CFAP61: variants seen among roughly 807,000 people sequenced by gnomAD.
The protein encoded by CFAP61 is cilia- and flagella-associated protein 61.
In CFAP61, 107 loss-of-function variants were observed where a neutral mutation model predicts 135.6. The observed-to-expected ratio is 0.79, with a 90% CI of 0.67 to 0.93. The LOEUF (loss-of-function observed/expected upper bound fraction) is 0.93. CFAP61 is among the 40% of genes least tolerant of loss of function. The pLI is 0.00. For missense variants in CFAP61, 1,507 were observed against 1,556.2 expected (o/e 0.97, Z 0.53); for synonymous variants, 575 against 578.5 (o/e 0.99, Z 0.09).
chr20:20,301,959 A>G (rs906772401), intron 25 of CFAP61, among the ~76,000 whole-genome samples: 4 of 152,234 alleles, frequency 2.6e-5, no homozygotes, highest in African/African-American at 7.2e-5. Flanking sequence ...TAGGAAATGC[A>G]TTAAATCTTA....
chr20:20,093,758 G>A (rs2047373113), intron 7 of CFAP61, among the ~76,000 whole-genome samples: 1 of 152,042 alleles, frequency 6.6e-6, no homozygotes, highest in South Asian at 2.1e-4. Context: ...TTGTTTTTAT[G>A]GTAGGTGAAT....
chr20:20,229,208 G>T (rs1025409785), intron 18 of CFAP61, among the ~76,000 whole-genome samples: 2 of 152,138 alleles, frequency 1.3e-5, no homozygotes, highest in African/African-American at 4.8e-5. Context: ...GCTCACTTGA[G>T]CACCTCTTTA....
At chr20:20,053,157 A>G (rs536973200) in intron 1 of CFAP61, among the ~76,000 whole-genome samples, 2 of 152,360 alleles carry the variant, frequency 1.3e-5, no homozygotes, top group South Asian at 2.1e-4. Flanking sequence ...CTAGGATTAA[A>G]GACAAATGCT....
intron 17 of CFAP61, among the ~76,000 whole-genome samples, chr20:20,225,000 T>G (rs1601495518): frequency 1.3e-5 from 2 of 152,322 alleles, no homozygotes; most frequent in South Asian, 4.1e-4. Flanking sequence ...TTGGCAGATG[T>G]TCAGAGGGAG....
At chr20:20,180,316 G>A (rs1163208490) in intron 13 of CFAP61, among the ~76,000 whole-genome samples, 4 of 151,022 alleles carry the variant, frequency 2.6e-5, no homozygotes. Context: ...GCAACAGAGT[G>A]AGACTCTGTC....
chr20:20,265,519 T>C, intron 21 of CFAP61: 1 of 779,416 alleles, frequency 1.3e-6, no homozygotes, highest in South Asian at 1.3e-5. Context: ...GATTTAAGAC[T>C]GACTCCCAGC....
At chr20:20,183,763 T>A (rs999183400) in intron 13 of CFAP61, among the ~76,000 whole-genome samples, 2 of 152,164 alleles carry the variant, frequency 1.3e-5, no homozygotes, top group Non-Finnish European at 2.9e-5. Context: ...CACAATTCAG[T>A]GGATATTTTA....
intron 18 of CFAP61, among the ~76,000 whole-genome samples, chr20:20,238,465 AT>A (rs1230041092): frequency 1.3e-5 from 2 of 152,136 alleles, no homozygotes; most frequent in African/African-American, 4.8e-5. Flanking sequence ...TGGGATAATA[AT>A]TTTTTCTCTA....
intron 20 of CFAP61, among the ~76,000 whole-genome samples, chr20:20,254,601 T>C (rs1336156237): frequency 6.6e-6 from 1 of 152,154 alleles, no homozygotes; most frequent in Non-Finnish European, 1.5e-5. Context: ...TCAAAGTACA[T>C]AGAGTGGTAC....
At chr20:20,153,883 C>T (rs1376029721) in intron 9 of CFAP61, among the ~76,000 whole-genome samples, 2 of 151,772 alleles carry the variant, frequency 1.3e-5, no homozygotes, top group Non-Finnish European at 1.5e-5. Context: ...ACACTAAAAC[C>T]AAAACCGGGA....
At chr20:20,179,793 A>G (rs2146847008) in intron 13 of CFAP61, among the ~76,000 whole-genome samples, 1 of 152,372 alleles carries the variant, frequency 6.6e-6, no homozygotes, top group South Asian at 2.1e-4. Flanking sequence ...TCCCTATTCA[A>G]TAAATCGTGC....
At chr20:20,067,599 G>A (rs946026370) in intron 2 of CFAP61, among the ~76,000 whole-genome samples, 6 of 147,618 alleles carry the variant, frequency 4.1e-5, no homozygotes, top group Admixed American at 6.8e-5. Flanking sequence ...CTGAGATCGC[G>A]CCACTGCACT....
rs140639813 is a variant in CFAP61 at position 20,307,102 on chromosome 20, CCT to C, written c.3422+8719_3422+8720del. On this transcript the variant is annotated intron_variant, in intron 25 of 26. Transcript: ENST00000245957. ...TCTTCTTAGCTGCCACCCCGACCAC[CCT>C]CTTTGTCCTGTGCCCCTGTGCACAC... Among the ~76,000 whole-genome samples, 351 of 152,306 alleles carry C rather than the reference CCT, an allele frequency of 2.3e-3. 1 individual carries two copies. Among genetic ancestry groups the C allele is most frequent in the African/African-American group, 8.0e-3 (334 of 41,564 alleles).
rs1555993867 is a variant in CFAP61 at position 20,359,693 on chromosome 20, A to AACC, written c.3514-515_3514-514insCAC. ...AAGCAAAAAACAAAACAACAACAAC[A>AACC]ACAAAACAAGTATGATCTACAGATG... On this transcript the variant is annotated intron_variant, in intron 26 of 26. Transcript: ENST00000245957. This position sits in a 1 kb window ranked among gnomAD's most constrained non-coding sequence, Gnocchi z 4.0. Among the ~76,000 whole-genome samples the AACC allele has an allele frequency of 4.8e-4, 73 of 152,070 alleles. No individual in the cohort carries two copies. Among genetic ancestry groups the AACC allele is most frequent in the Middle Eastern group, 3.4e-3 (1 of 294 alleles).
intron 23 of CFAP61, among the ~76,000 whole-genome samples, chr20:20,289,336 A>G (rs1356627357): frequency 6.8e-6 from 1 of 147,494 alleles, no homozygotes; most frequent in African/African-American, 2.5e-5. Context: ...GCCAGGCCTC[A>G]GCCTGCTCTG....
chr20:20,315,824 G>C (rs2057100393), intron 25 of CFAP61, among the ~76,000 whole-genome samples: 1 of 152,270 alleles, frequency 6.6e-6, no homozygotes, highest in Non-Finnish European at 1.5e-5. Flanking sequence ...TTTTTCTCAG[G>C]TTTGTGAAAG....
intron 8 of CFAP61, among the ~76,000 whole-genome samples, chr20:20,108,878 G>A (rs1381765616): frequency 6.6e-6 from 1 of 152,122 alleles, no homozygotes; most frequent in Admixed American, 6.5e-5. Flanking sequence ...ACATGAATAT[G>A]TTACTACAAT....
At chr20:20,165,295 T>C (rs1355706632) in intron 11 of CFAP61, among the ~76,000 whole-genome samples, 2 of 152,186 alleles carry the variant, frequency 1.3e-5, no homozygotes, top group African/African-American at 2.4e-5. Context: ...CCAACGGCTG[T>C]GACAAGCCCA....
intron 20 of CFAP61, among the ~76,000 whole-genome samples, chr20:20,257,252 C>G (rs2051686423): frequency 6.6e-6 from 1 of 152,084 alleles, no homozygotes; most frequent in African/African-American, 2.4e-5. Flanking sequence ...ATATACAAGG[C>G]CTCAGAAAAA....
Sources: allele counts gnomAD v4.1 joint callset (sites outside exome capture counted in the v4.1 genomes callset), GRCh38; gene constraint gnomAD v4.1.1; non-coding constraint Gnocchi (gnomAD v3.1); transcripts MANE v1.5; gene names NCBI Gene and HGNC (gene_info 2026-07-23, HGNC 2026-07-21).